The following SCFD2 variants were observed in gnomAD, a reference collection of about 807,000 sequenced individuals.
SCFD2 encodes the protein sec1 family domain-containing protein 2.
SCFD2 carries 54 observed loss-of-function variants against 58.9 expected under a neutral mutation model. The observed-to-expected ratio is 0.92, with a 90% CI of 0.74 to 1.15. The LOEUF (loss-of-function observed/expected upper bound fraction) is 1.15, where lower values mean the gene tolerates loss of function less well. SCFD2 is among the 50% of genes most tolerant of loss of function. The probability of loss-of-function intolerance (pLI) is 0.00; values close to 1 mark genes in which losing one functional copy is unlikely to be tolerated. For missense variants in SCFD2, 805 were observed against 836.6 expected (o/e 0.96, Z 0.47); for synonymous variants, 321 against 335.9 (o/e 0.96, Z 0.49).
chr4:52,890,798 C>T (rs553311264), intron 7 of SCFD2, among the ~76,000 whole-genome samples: 1 of 152,064 alleles, frequency 6.6e-6, no homozygotes, highest in Non-Finnish European at 1.5e-5. Flanking sequence ...TTGAGGTGTG[C>T]GCCCCTGAGA....
At chr4:53,125,074 T>G (rs1725586123) in intron 5 of SCFD2, among the ~76,000 whole-genome samples, 2 of 152,122 alleles carry the variant, frequency 1.3e-5, no homozygotes, top group Admixed American at 6.6e-5. Context: ...TATAAGTCCC[T>G]AGGATCCTCG....
chr4:53,364,135 C>A (rs1297631200), intron 1 of SCFD2, among the ~76,000 whole-genome samples: 1 of 152,186 alleles, frequency 6.6e-6, no homozygotes, highest in Non-Finnish European at 1.5e-5. Flanking sequence ...GACTGGACAC[C>A]TGGTTTTTCC....
chr4:53,031,018 G>C (rs538555009), intron 5 of SCFD2, among the ~76,000 whole-genome samples: 1 of 152,250 alleles, frequency 6.6e-6, no homozygotes, highest in South Asian at 2.1e-4. Flanking sequence ...ATATTTAAAA[G>C]GCTACATCCA....
intron 4 of SCFD2, among the ~76,000 whole-genome samples, chr4:53,188,774 A>G (rs541542298): frequency 1.4e-4 from 21 of 152,302 alleles, no homozygotes; most frequent in African/African-American, 4.6e-4. Flanking sequence ...TAAATCTTGA[A>G]CACAAAATGC....
intron 5 of SCFD2, among the ~76,000 whole-genome samples, chr4:53,092,914 T>C (rs571823508): frequency 6.6e-6 from 1 of 151,860 alleles, no homozygotes; most frequent in East Asian, 1.9e-4. Flanking sequence ...AAGGAGATTA[T>C]TGCTACTGTA....
At chr4:53,179,149 A>C (rs1727451470) in intron 4 of SCFD2, among the ~76,000 whole-genome samples, 1 of 152,180 alleles carries the variant, frequency 6.6e-6, no homozygotes, top group African/African-American at 2.4e-5. Context: ...AATACAGAAA[A>C]CACCACAAAG....
chr4:53,362,453 G>T (rs1382685134), intron 1 of SCFD2, among the ~76,000 whole-genome samples: 1 of 152,178 alleles, frequency 6.6e-6, no homozygotes, highest in Non-Finnish European at 1.5e-5. Flanking sequence ...CTAAGTGGTT[G>T]CTTGTCTGTA....
intron 4 of SCFD2, among the ~76,000 whole-genome samples, chr4:53,213,094 C>A (rs1461084208): frequency 1.3e-5 from 2 of 152,062 alleles, no homozygotes; most frequent in African/African-American, 4.8e-5. Context: ...CAAACAATTT[C>A]TAGCAATGAT....
intron 5 of SCFD2, among the ~76,000 whole-genome samples, chr4:52,923,594 G>A (rs149346783): frequency 1.3e-5 from 2 of 152,140 alleles, no homozygotes; most frequent in African/African-American, 2.4e-5. Context: ...GACTGCAGGG[G>A]ATTGGGGGGT....
At chr4:52,907,338 G>A in intron 7 of SCFD2, 119 bp downstream of exon 7, 1 of 1,000,168 alleles carries the variant, frequency 1.0e-6, no homozygotes, top group Non-Finnish European at 1.5e-6. Context: ...TTTTAGAAGA[G>A]CCAAAATACC....
chr4:53,216,040 C>T (rs1247400771), intron 4 of SCFD2, among the ~76,000 whole-genome samples: 3 of 152,114 alleles, frequency 2.0e-5, no homozygotes, highest in Non-Finnish European at 4.4e-5. Flanking sequence ...CTGCTGGATT[C>T]GGTTCATCAG....
chr4:53,004,373 T>C (rs960023906), intron 5 of SCFD2, among the ~76,000 whole-genome samples: 1 of 152,226 alleles, frequency 6.6e-6, no homozygotes, highest in Non-Finnish European at 1.5e-5. Context: ...GAAAGGTAAT[T>C]ATCTTGCATA....
chr4:52,989,606 CA>C (rs1721574952), intron 5 of SCFD2, among the ~76,000 whole-genome samples: 1 of 152,180 alleles, frequency 6.6e-6, no homozygotes, highest in South Asian at 2.1e-4. Context: ...TTCTATCAGA[CA>C]AAACCTTTGC....
At chr4:53,010,113 A>G (rs1722063090) in intron 5 of SCFD2, among the ~76,000 whole-genome samples, 1 of 152,172 alleles carries the variant, frequency 6.6e-6, no homozygotes, top group Non-Finnish European at 1.5e-5. Flanking sequence ...ATGATAACTG[A>G]GTCCTCAAAA....
intron 5 of SCFD2, among the ~76,000 whole-genome samples, chr4:53,056,564 C>T (rs1723346204): frequency 6.6e-6 from 1 of 151,918 alleles, no homozygotes; most frequent in African/African-American, 2.4e-5. Context: ...AATCAGATTA[C>T]AAAATCATAC....
intron 4 of SCFD2, among the ~76,000 whole-genome samples, chr4:53,153,209 T>C (rs1726564519): frequency 6.6e-6 from 1 of 152,186 alleles, no homozygotes; most frequent in African/African-American, 2.4e-5. Flanking sequence ...ACTGCCTTAG[T>C]AGAGTCTCTC....
intron 4 of SCFD2, among the ~76,000 whole-genome samples, chr4:53,234,943 G>A (rs1040208650): frequency 1.3e-5 from 2 of 152,226 alleles, no homozygotes; most frequent in African/African-American, 4.8e-5. Context: ...GGCTGGTATG[G>A]TGTTTCCACC....
rs1184372979 is a variant in SCFD2 at position 53,304,561 on chromosome 4, A to G, written c.1135+9075T>C. Among the ~76,000 whole-genome samples the G allele has an allele frequency of 2.0e-5, 3 of 151,466 alleles. 1 individual carries two copies. The highest frequency in any genetic ancestry group is 2.0e-4 in the East Asian group (1 of 5,110). ...TTCTCTAATCTTGTCTTCTTGCTTT[A>G]TTTCATTCAGTTCATCTTCAATCTC... is the stretch of plus-strand genomic sequence containing the variant. On this transcript the variant is annotated intron_variant, in intron 3 of 8. Coordinates refer to ENST00000401642, the MANE Select transcript of SCFD2 (RefSeq NM_152540.4).
chr4:52,940,022 C>T (rs1170716714), intron 5 of SCFD2, among the ~76,000 whole-genome samples: 3 of 152,220 alleles, frequency 2.0e-5, no homozygotes, highest in African/African-American at 7.2e-5. Context: ...GCCTACATTC[C>T]CTCTAGGGCA....
Sources: gnomAD v4.1 joint callset for allele counts (sites outside exome capture counted in the v4.1 genomes callset) on GRCh38, gnomAD v4.1.1 for gene constraint, MANE v1.5 for transcripts, NCBI Gene and HGNC (gene_info 2026-07-23, HGNC 2026-07-21) for gene names.